The following COL19A1 variants were observed in gnomAD, a reference collection of about 807,000 sequenced individuals.
COL19A1 encodes collagen alpha-1(XIX) chain.
A neutral mutation model predicts 190.2 loss-of-function variants in COL19A1; 159 were observed. The observed-to-expected ratio is 0.84, with a 90% CI of 0.73 to 0.95. The LOEUF (loss-of-function observed/expected upper bound fraction) is 0.95, where lower values mean the gene tolerates loss of function less well. Ranked by LOEUF, COL19A1 falls within the 40% of genes least tolerant of loss-of-function variation. The pLI is 0.00. For missense variants in COL19A1, 1,418 were observed against 1,431.9 expected, an observed-to-expected ratio of 0.99 and a Z score of 0.16; for synonymous variants, 509 against 458.9, an observed-to-expected ratio of 1.11 and a Z score of -1.39.
intron 14 of COL19A1, among the ~76,000 whole-genome samples, chr6:70,062,577 G>A (rs1363611189): frequency 2.0e-5 from 3 of 152,008 alleles, no homozygotes; most frequent in Admixed American, 6.6e-5. Context: ...ATCAACTAAC[G>A]AGCAAAATAA....
chr6:70,176,451 G>A (rs1765808348), intron 41 of COL19A1, 69 bp from the exon 42 acceptor site: 3 of 1,490,092 alleles, frequency 2.0e-6, no homozygotes, highest in South Asian at 2.4e-5. Context: ...ATTATTATTT[G>A]AGAATTAATT....
At chr6:70,141,149 T>C (rs1786224682) in intron 20 of COL19A1, among the ~76,000 whole-genome samples, 160 bp downstream of exon 20, 1 of 152,108 alleles carries the variant, frequency 6.6e-6, no homozygotes. Flanking sequence ...TTTATTTTGA[T>C]AAATAAGAAA....
At chr6:69,921,425 A>AT (rs1202396884) in intron 4 of COL19A1, among the ~76,000 whole-genome samples, 11 of 97,898 alleles carry the variant, frequency 1.1e-4, no homozygotes, top group African/African-American at 3.7e-4. Context: ...TATCATATAT[A>AT]TCATATATAT....
At chr6:70,176,463 C>A (rs1583093191) in intron 41 of COL19A1, 57 bp from the exon 42 acceptor site, 2 of 1,548,090 alleles carry the variant, frequency 1.3e-6, no homozygotes, top group East Asian at 4.5e-5. Flanking sequence ...GAATTAATTT[C>A]ATAACTAAAG....
At chr6:69,873,400 C>T (rs1767950064) in intron 1 of COL19A1, among the ~76,000 whole-genome samples, 1 of 152,160 alleles carries the variant, frequency 6.6e-6, no homozygotes. Flanking sequence ...ATGGACACAA[C>T]TTTGACTTAC....
chr6:70,139,845 G>A (rs1037635572), intron 19 of COL19A1, among the ~76,000 whole-genome samples: 1 of 151,862 alleles, frequency 6.6e-6, no homozygotes, highest in African/African-American at 2.4e-5. Context: ...AAAAGATTAA[G>A]TGACTTGCCT....
intron 11 of COL19A1, among the ~76,000 whole-genome samples, chr6:70,016,640 A>T (rs1207702778): frequency 1.3e-5 from 2 of 152,042 alleles, no homozygotes; most frequent in African/African-American, 2.4e-5. Flanking sequence ...TATATATCTG[A>T]TAAATGACTT....
chr6:70,053,947 G>C (rs991755631), intron 14 of COL19A1, among the ~76,000 whole-genome samples: 1 of 152,120 alleles, frequency 6.6e-6, no homozygotes, highest in South Asian at 2.1e-4. Context: ...ATCCACTCTG[G>C]CATTTTTTCA....
intron 14 of COL19A1, among the ~76,000 whole-genome samples, chr6:70,040,023 C>G (rs1043274885): frequency 1.3e-5 from 2 of 151,846 alleles, no homozygotes; most frequent in African/African-American, 4.8e-5. Flanking sequence ...CCCTTGGCCT[C>G]CCAAAGTGTT....
chr6:70,191,375 A>G (rs1320029081), intron 48 of COL19A1, among the ~76,000 whole-genome samples: 1 of 152,068 alleles, frequency 6.6e-6, no homozygotes. Flanking sequence ...TTGTGTTCAT[A>G]TCTTGTTCCA....
chr6:70,056,694 A>G (rs1780521535), intron 14 of COL19A1, among the ~76,000 whole-genome samples: 1 of 152,164 alleles, frequency 6.6e-6, no homozygotes, highest in African/African-American at 2.4e-5. Flanking sequence ...CCTCCTAAGA[A>G]AATGGATGCT....
rs896607887 is a variant in COL19A1, at chr6:70,022,615, G to C, written c.1027-1012G>C. Among the ~76,000 whole-genome samples, 8 of 152,120 alleles carry C rather than the reference G, an allele frequency of 5.3e-5. No individual in the cohort carries two copies. In the South Asian group the frequency reaches 1.7e-3, roughly 31 times the overall value. On this transcript the variant is annotated intron_variant, in intron 11 of 50. Transcript: ENST00000620364. ...AAAACAAAATTATATGTCACTATGAGTATGTATCATCCACAGTGGTATTAG... is the reference window on the plus strand; with the variant it reads ...AAAACAAAATTATATGTCACTATGACTATGTATCATCCACAGTGGTATTAG...
At chr6:69,879,788 C>T (rs1768392550) in intron 2 of COL19A1, 130 bp downstream of exon 2, 1 of 816,776 alleles carries the variant, frequency 1.2e-6, no homozygotes. Flanking sequence ...CAATTCATTG[C>T]TTTCTTCCAT....
intron 4 of COL19A1, among the ~76,000 whole-genome samples, chr6:69,914,728 G>C (rs1176123802): frequency 6.6e-6 from 1 of 152,076 alleles, no homozygotes; most frequent in African/African-American, 2.4e-5. Flanking sequence ...TGCTTTCAAG[G>C]CTTATGCTTT....
At position 70,197,379 on chromosome 6, in the gene COL19A1, C is replaced by T. The variant is rs1258382895; in HGVS notation, c.3095-2229C>T. Among the ~76,000 whole-genome samples, 7 of 151,730 alleles carry T rather than the reference C, an allele frequency of 4.6e-5. 1 individual carries two copies. Among genetic ancestry groups the T allele is most frequent in the African/African-American group, 1.7e-4 (7 of 41,252 alleles). On this transcript the variant is annotated intron_variant, in intron 48 of 50. Transcript: ENST00000620364. ...CGGAGGTTGCAGTGAGCTGAGATCA[C>T]GCCACTGCACTCCAGCCTGGGTGAC... is the stretch of plus-strand genomic sequence containing the variant.
At chr6:70,182,173 A>C (rs1201012143) in intron 44 of COL19A1, among the ~76,000 whole-genome samples, 1 of 152,198 alleles carries the variant, frequency 6.6e-6, no homozygotes, top group Admixed American at 6.5e-5. Context: ...AAGTAATGAC[A>C]GTGGAAACAG....
chr6:70,151,595 A>G lies in COL19A1; in HGVS notation c.2079+157A>G, dbSNP rs12204438. Among the ~76,000 whole-genome samples, 25,730 of 152,124 alleles carry G rather than the reference A, an allele frequency of 0.17. 2,752 individuals carry two copies. Among genetic ancestry groups the G allele is most frequent in the Middle Eastern group, 0.24 (72 of 294 alleles). ...AGATAGGAAAATAAACATGTATCTT[A>G]TATATCTTGTGCCATTTATCCTAAT... On this transcript the variant is annotated intron_variant, in intron 31 of 50. Coordinates refer to ENST00000620364, the MANE Select transcript of COL19A1 (RefSeq NM_001858.6).
At chr6:70,156,772 C>T (rs763648092) in intron 34 of COL19A1, 49 bp downstream of exon 34, 11 of 1,456,116 alleles carry the variant, frequency 7.6e-6, no homozygotes, top group East Asian at 4.6e-5. Flanking sequence ...ATTCTCTTTA[C>T]GTGGCTCAAC....
At chr6:70,142,650 G>A (rs922575432) in intron 22 of COL19A1, 117 bp from the exon 23 acceptor site, 1 of 783,720 alleles carries the variant, frequency 1.3e-6, no homozygotes, top group Non-Finnish European at 2.0e-6. Flanking sequence ...GTGGGATGGT[G>A]GAAAGTTGGT....
Sources: gnomAD v4.1 joint callset for allele counts (sites outside exome capture counted in the v4.1 genomes callset) on GRCh38, gnomAD v4.1.1 for gene constraint, MANE v1.5 for transcripts, NCBI Gene and HGNC (gene_info 2026-07-23, HGNC 2026-07-21) for gene names.